The following UGT1A5 variants were observed in gnomAD, a reference collection of about 807,000 sequenced individuals.
The protein encoded by UGT1A5 is UDP-glucuronosyltransferase 1A5.
In UGT1A5, 29 loss-of-function variants were observed where a neutral mutation model predicts 40.3. That is an observed-to-expected ratio of 0.72 (90% CI 0.54 to 0.98). UGT1A5 has a LOEUF of 0.98. Ranked by LOEUF, UGT1A5 falls within the 50% of genes least tolerant of loss-of-function variation. UGT1A5 has a pLI of 0.00. For missense variants in UGT1A5, 678 were observed against 677.9 expected (o/e 1.00, Z 0.00); for synonymous variants, 257 against 262.5 (o/e 0.98, Z 0.20).
Position 233,713,802 on chromosome 2 carries a change from C to G in UGT1A5, c.811C>G (p.Pro271Ala), listed in dbSNP as rs746544410. The G allele has an allele frequency of 1.9e-5, 30 of 1,613,976 alleles. No individual in the cohort carries two copies. In the Middle Eastern group the frequency reaches 1.2e-3, roughly 62 times the overall value. The change falls in exon 1 of 5, where the codon CCC (proline) becomes GCC (alanine). Residue 271 changes from proline (P) to alanine (A), a missense_variant. Transcript: ENST00000373414. ...FVMDYPRPIM[P>A]NMVFIGGINC... ...GATGGATTACCCCAGGCCGATCATG[C>G]CCAACATGGTCTTCATTGGGGGCAT...
At chr2:233,743,042 G>GTT in intron 1 of UGT1A5, 1 of 311,812 alleles carries the variant, frequency 3.2e-6, no homozygotes, top group Non-Finnish European at 6.3e-6. Context: ...GGTCCTATCC[G>GTT]TGTAGTCCCA....
At position 233,769,709 on chromosome 2, in the gene UGT1A5, G is replaced by T. The variant is rs1309329692; in HGVS notation, c.1307+1270G>T. The T allele has an allele frequency of 6.6e-7, 1 of 1,509,378 alleles. No individual in the cohort carries two copies. Among genetic ancestry groups the T allele is most frequent in the South Asian group, 1.3e-5 (1 of 76,432 alleles). The allele number at this position is 1,509,378 out of a possible 1,614,324, so 93.5% of individuals were successfully genotyped here. On this transcript the variant is annotated intron_variant, in intron 4 of 4. Coordinates refer to ENST00000373414, the MANE Select transcript of UGT1A5 (RefSeq NM_019078.2). The surrounding 1 kb of genome is among the most constrained non-coding windows in gnomAD (Gnocchi z 4.4). Reference sequence around the variant, plus strand: ...GGCACTGGATAAAAGATCAATGTTGGCTAGGCACCATGGCACACGCCTGTA... The same window carrying T: ...GGCACTGGATAAAAGATCAATGTTGTCTAGGCACCATGGCACACGCCTGTA...
intron 1 of UGT1A5, among the ~76,000 whole-genome samples, chr2:233,733,343 A>G (rs1239726536): frequency 4.6e-5 from 7 of 152,182 alleles, no homozygotes. Flanking sequence ...TTCCAACAGT[A>G]TGTTGAGTAG....
intron 1 of UGT1A5, among the ~76,000 whole-genome samples, chr2:233,737,176 C>T (rs550268517): frequency 9.8e-5 from 15 of 152,314 alleles, no homozygotes; most frequent in African/African-American, 2.9e-4. Context: ...GAGTCTATAG[C>T]GGCAGTAGCC....
intron 1 of UGT1A5, among the ~76,000 whole-genome samples, chr2:233,725,055 CGCGCGCCT>C (rs1021966862): frequency 1.4e-5 from 2 of 147,410 alleles, no homozygotes; most frequent in African/African-American, 5.1e-5. Flanking sequence ...GGCGTGGCGG[CGCGCGCCT>C]GCAATCGCAG....
intron 1 of UGT1A5, chr2:233,747,267 CCTT>C: frequency 6.3e-7 from 1 of 1,599,532 alleles, no homozygotes; most frequent in Non-Finnish European, 8.5e-7. Context: ...GAGTGCTACT[CCTT>C]CTCAGTGCCC....
In UGT1A5 at chr2:233,724,604, G is replaced by C. The variant is rs1340979109; in HGVS notation, c.867+10746G>C. Among the ~76,000 whole-genome samples the C allele has an allele frequency of 2.3e-5, 3 of 132,728 alleles. 1 individual carries two copies. Among genetic ancestry groups the C allele is most frequent in the Non-Finnish European group, 4.8e-5 (3 of 62,762 alleles). 87.1% of individuals were successfully genotyped at this position (132,728 alleles called of 152,430 possible). On this transcript the variant is annotated intron_variant, in intron 1 of 4. Transcript: ENST00000373414. ...GCTCCCCACATCTCAGACGATGGGCGGCCGGGCAGAGACGCTCCTCACTTC... is the reference window on the plus strand; with the variant it reads ...GCTCCCCACATCTCAGACGATGGGCCGCCGGGCAGAGACGCTCCTCACTTC...
intron 4 of UGT1A5, 132 bp from the exon 5 acceptor site, chr2:233,772,130 A>G: frequency 2.6e-6 from 4 of 1,542,514 alleles, no homozygotes; most frequent in Non-Finnish European, 2.6e-6. Context: ...AACAACAACA[A>G]CAATAATAGA....
At chr2:233,746,624 G>C (rs934218336) in intron 1 of UGT1A5, among the ~76,000 whole-genome samples, 2 of 151,670 alleles carry the variant, frequency 1.3e-5, no homozygotes, top group Non-Finnish European at 2.9e-5. Context: ...CTCCTTTCAG[G>C]CAAGGACCAT....
chr2:233,715,201 T>TA (rs991074487), intron 1 of UGT1A5, among the ~76,000 whole-genome samples: 1 of 152,178 alleles, frequency 6.6e-6, no homozygotes, highest in Non-Finnish European at 1.5e-5. Flanking sequence ...TTCTATCTTT[T>TA]AAAAGACCCT....
chr2:233,713,795 G>C lies in UGT1A5; in HGVS notation c.804G>C (p.Pro268=). ...ACTTTGTGATGGATTACCCCAGGCC[G>C]ATCATGCCCAACATGGTCTTCATTG... ...RGDFVMDYPR[P]IMPNMVFIGG... Residue 268 remains proline (P), a synonymous_variant, in exon 1 of 5, where the codon CCG becomes CCC. Coordinates refer to ENST00000373414, the MANE Select transcript of UGT1A5 (RefSeq NM_019078.2). The C allele has an allele frequency of 6.2e-7, 1 of 1,614,030 alleles. No homozygotes were observed. Among genetic ancestry groups the C allele is most frequent in the East Asian group, 2.2e-5 (1 of 44,874 alleles).
chr2:233,729,398 G>T, intron 1 of UGT1A5: 1 of 1,613,654 alleles, frequency 6.2e-7, no homozygotes. Flanking sequence ...GAATTTGATC[G>T]CCATGTGCTG....
chr2:233,726,278 A>G (rs548858738), intron 1 of UGT1A5, among the ~76,000 whole-genome samples: 27 of 152,354 alleles, frequency 1.8e-4, no homozygotes, highest in African/African-American at 5.8e-4. Context: ...CTATGGTCCC[A>G]GGTACTTGGG....
rs904899091 is a variant in UGT1A5, at chr2:233,718,702, T to A, written c.867+4844T>A. ...TAAGTAACTGGAGGAGGGCACTTTG[T>A]CTTCCAATTACATGCTGATTTGCTA... is the stretch of plus-strand genomic sequence containing the variant. On this transcript the variant is annotated intron_variant, in intron 1 of 4. Coordinates refer to ENST00000373414, the MANE Select transcript of UGT1A5 (RefSeq NM_019078.2). The A allele has an allele frequency of 5.0e-6, 8 of 1,600,742 alleles. No homozygotes were observed. In the East Asian group the frequency reaches 1.8e-4, roughly 36 times the overall value.
intron 1 of UGT1A5, chr2:233,743,518 C>A: frequency 1.5e-6 from 2 of 1,367,324 alleles, no homozygotes; most frequent in Non-Finnish European, 9.8e-7. Flanking sequence ...CGCTCTGCTT[C>A]TGCTTCCCCA....
intron 1 of UGT1A5, among the ~76,000 whole-genome samples, chr2:233,724,799 C>G (rs559235136): frequency 7.2e-6 from 1 of 139,172 alleles, no homozygotes; most frequent in Non-Finnish European, 1.5e-5. Flanking sequence ...GACGGGGTGG[C>G]GGCCGGGCAG....
At chr2:233,748,122 C>T (rs1693872650) in intron 1 of UGT1A5, 8 of 1,610,986 alleles carry the variant, frequency 5.0e-6, no homozygotes, top group Non-Finnish European at 8.5e-7. Context: ...CCAGGCAAAA[C>T]AGTTTTTAAA....
rs1226545500 is a variant in UGT1A5 at position 233,773,111 on chromosome 2, T to C, written c.*552T>C. On this transcript the variant is annotated 3_prime_UTR_variant, in exon 5 of 5. Transcript: ENST00000373414. ...GCACTGAGAACAGCATATGATTTCT[T>C]GCTTTGGGGAAAAAGAATGATGCTA... The C allele has an allele frequency of 6.4e-6, 1 of 155,166 alleles. No individual in the cohort carries two copies. Among genetic ancestry groups the C allele is most frequent in the Non-Finnish European group, 1.4e-5 (1 of 69,776 alleles). 9.6% of individuals were successfully genotyped at this position (155,166 alleles called of 1,614,324 possible).
At chr2:233,724,287 G>A (rs1285366990) in intron 1 of UGT1A5, among the ~76,000 whole-genome samples, 2 of 143,496 alleles carry the variant, frequency 1.4e-5, no homozygotes, top group Admixed American at 1.4e-4. Flanking sequence ...CGGGCGGGGG[G>A]CTGACCCCCC....
Sources: gnomAD v4.1 joint callset for allele counts (sites outside exome capture counted in the v4.1 genomes callset) on GRCh38, gnomAD v4.1.1 for gene constraint, Gnocchi (gnomAD v3.1) non-coding constraint, MANE v1.5 for transcripts, NCBI Gene and HGNC (gene_info 2026-07-23, HGNC 2026-07-21) for gene names.